The following GART variants were observed in gnomAD, a reference collection of about 807,000 sequenced individuals.
GART encodes the protein phosphoribosylglycinamide formyltransferase, phosphoribosylglycinamide synthetase, phosphoribosylaminoimidazole synthetase.
Under a neutral mutation model 107.2 loss-of-function variants are expected in GART, and 43 were observed. That is an observed-to-expected ratio of 0.40 (90% CI 0.31 to 0.52). The LOEUF (loss-of-function observed/expected upper bound fraction) is 0.52. GART is among the 20% of genes least tolerant of loss of function. The pLI is 0.52. For missense variants in GART, 1,107 were observed against 1,206.5 expected (o/e 0.92, Z 1.22); for synonymous variants, 434 against 427.0 (o/e 1.02, Z -0.20).
intron 18 of GART, among the ~76,000 whole-genome samples, chr21:33,506,792 A>C (rs1216660808): frequency 6.6e-6 from 1 of 152,182 alleles, no homozygotes; most frequent in Non-Finnish European, 1.5e-5. Flanking sequence ...AAAACACACA[A>C]ATTGCAAACA....
At chr21:33,538,709 C>T (rs1282933434) in intron 2 of GART, among the ~76,000 whole-genome samples, 1 of 152,170 alleles carries the variant, frequency 6.6e-6, no homozygotes, top group Admixed American at 6.5e-5. Flanking sequence ...AAGTTTATAA[C>T]ATATTGGCAA....
chr21:33,528,593 C>T lies in GART; in HGVS notation c.823G>A (p.Ala275Thr), dbSNP rs2085118578. 6.6e-7 allele frequency: 1 copy of T among 1,504,212 alleles called. No individual in the cohort carries two copies. The highest frequency in any genetic ancestry group is 2.2e-5 in the Admixed American group (1 of 45,506). The allele number at this position is 1,504,212 out of a possible 1,614,324, so 93.2% of individuals were successfully genotyped here. A position where few individuals can be genotyped will look rare whatever the true frequency, so the allele number is the denominator to read the frequency against. The stretch of plus-strand genomic sequence containing the variant: ...CCATTCTTGGTCAGCATTATTCCAG[C>T]ATAGAGAATACCTTCATTAAAAAAG... ...EGTPYTGILY[A>T]GIMLTKNGPK... The change falls in exon 9 of 22, where the codon GCT (alanine) becomes ACT (threonine). Residue 275 changes from alanine to threonine, a missense_variant. Ala to Thr is a moderately conservative substitution (Grantham distance 58). Transcript: ENST00000381815.
chr21:33,542,750 C>T (rs2085476710), upstream of GART: 3 of 298,454 alleles, frequency 1.0e-5, no homozygotes, highest in South Asian at 9.6e-5. Flanking sequence ...CTTAGCAAGC[C>T]TGTTAAGGCT....
At chr21:33,515,932 T>C (rs1168279543) in intron 16 of GART, among the ~76,000 whole-genome samples, 1 of 151,940 alleles carries the variant, frequency 6.6e-6, no homozygotes, top group Non-Finnish European at 1.5e-5. Context: ...TACCTGACAC[T>C]GCGGACCAGT....
At chr21:33,524,708 T>C in intron 11 of GART, 61 bp downstream of exon 11, 2 of 1,607,948 alleles carry the variant, frequency 1.2e-6, no homozygotes, top group Admixed American at 1.7e-5. Flanking sequence ...TGAAATGTTC[T>C]ACATAGCCAT....
intron 11 of GART, among the ~76,000 whole-genome samples, chr21:33,523,122 T>C (rs1291667987): frequency 6.6e-6 from 1 of 152,248 alleles, no homozygotes. Flanking sequence ...AATTTTTGAA[T>C]GACACTGCAG....
intron 16 of GART, among the ~76,000 whole-genome samples, chr21:33,515,319 A>G (rs1208555152): frequency 6.6e-6 from 1 of 152,196 alleles, no homozygotes; most frequent in East Asian, 1.9e-4. Flanking sequence ...ATAGCTGGAA[A>G]AGTTTCTCTG....
intron 4 of GART, 143 bp downstream of exon 4, chr21:33,534,436 C>G (rs1212765750): frequency 1.3e-6 from 1 of 773,130 alleles, no homozygotes; most frequent in Admixed American, 2.7e-5. Flanking sequence ...AGGCTGGTCT[C>G]TAACTCCTGA....
chr21:33,532,294 A>G, intron 5 of GART, 51 bp downstream of exon 5: 1 of 1,244,404 alleles, frequency 8.0e-7, no homozygotes, highest in Non-Finnish European at 1.2e-6. Context: ...TTAAAACGGT[A>G]TTTATTCAGT....
rs550552986 is a variant in GART at position 33,504,187 on chromosome 21, C to T, written c.2970G>A (p.Leu990=). ...CAAGCTGTACAGTTCCACTGGCCAC[C>T]AGCTGAAGGGCTGCAGGAAATATTT... ...EHKIFPAALQ[L]VASGTVQLGE... The change falls in exon 22 of 22, where the codon CTG becomes CTA. Residue 990 remains leucine (L), a synonymous_variant. Transcript: ENST00000381815. 1.2e-5 allele frequency: 19 copies of T among 1,614,164 alleles called. No homozygotes were observed. The South Asian group carries it at 2.0e-4, about 17-fold the overall frequency.
Position 33,522,239 on chromosome 21 carries a change from T to C in GART, c.1342A>G (p.Asn448Asp). 6.2e-7 allele frequency: 1 copy of C among 1,614,048 alleles called. No homozygotes were observed. ...KESGVDIAAGNMLVKKIQPLA... is the reference protein window; with the variant it reads ...KESGVDIAAGDMLVKKIQPLA... ...GGCTGAATTTTCTTGACCAGCATAT[T>C]TCCAGCTGCGATATCTACTCCAGAT... Residue 448 changes from asparagine to aspartate, a missense_variant, in exon 12 of 22, where the codon AAT becomes GAT. Physicochemically the swap from Asn to Asp is conservative, Grantham distance 23. Coordinates refer to ENST00000381815, the MANE Select transcript of GART (RefSeq NM_000819.5).
At chr21:33,535,431 T>A (rs2085286167) in intron 2 of GART, 111 bp from the exon 3 acceptor site, 2 of 598,714 alleles carry the variant, frequency 3.3e-6, no homozygotes, top group East Asian at 3.0e-5. Flanking sequence ...GTATGCTTGT[T>A]ATCTGTTGGT....
chr21:33,534,525 G>C, intron 4 of GART, 54 bp downstream of exon 4: 1 of 1,592,486 alleles, frequency 6.3e-7, no homozygotes, highest in Non-Finnish European at 8.6e-7. Context: ...ACTGACCTGT[G>C]TATTTAAATA....
chr21:33,511,555 C>T (rs2084786507), intron 16 of GART, 97 bp from the exon 17 acceptor site: 5 of 1,262,480 alleles, frequency 4.0e-6, no homozygotes, highest in Admixed American at 1.8e-5. Flanking sequence ...TATAATCAGG[C>T]TCTGCTATTT....
At chr21:33,534,122 T>C (rs78478169) in intron 4 of GART, among the ~76,000 whole-genome samples, 27,785 of 152,140 alleles carry the variant, frequency 0.18, 3,097 homozygotes, top group Non-Finnish European at 0.24. Context: ...ACATAATATT[T>C]ATTGAGAAAG....
chr21:33,525,577 T>G (rs902472266), intron 10 of GART, among the ~76,000 whole-genome samples: 1 of 151,936 alleles, frequency 6.6e-6, no homozygotes, highest in Non-Finnish European at 1.5e-5. Context: ...ACTACAGGAA[T>G]GTGCCACCAC....
At chr21:33,532,880 G>A (rs1268129053) in intron 4 of GART, among the ~76,000 whole-genome samples, 1 of 152,124 alleles carries the variant, frequency 6.6e-6, no homozygotes, top group African/African-American at 2.4e-5. Flanking sequence ...CTGGGGGTCT[G>A]GAAGGAGACT....
Position 33,535,263 on chromosome 21 carries a change from T to C in GART, c.203A>G (p.Glu68Gly). Residue 68 changes from glutamate to glycine, a missense_variant, in exon 3 of 22, where the codon GAA becomes GGA. Coordinates refer to ENST00000381815, the MANE Select transcript of GART (RefSeq NM_000819.5). The stretch of plus-strand genomic sequence containing the variant: ...TGCTTCTGGTCCAACAACTACAAAT[T>C]CAATTTTCTTCTCTTTGCAGAATTG... ...LAQFCKEKKI[E>G]FVVVGPEAPL... The C allele has an allele frequency of 1.3e-6, 2 of 1,528,606 alleles. No homozygotes were observed. The highest frequency in any genetic ancestry group is 1.8e-6 in the Non-Finnish European group (2 of 1,130,286). The allele number at this position is 1,528,606 out of a possible 1,614,324, so 94.7% of individuals were successfully genotyped here.
intron 6 of GART, 119 bp from the exon 7 acceptor site, chr21:33,531,003 T>C: frequency 1.1e-6 from 1 of 897,884 alleles, no homozygotes; most frequent in African/African-American, 1.8e-5. Context: ...TTTTTTTTTT[T>C]GCAGAGAAAT....
Sources: gnomAD v4.1 joint callset for allele counts (sites outside exome capture counted in the v4.1 genomes callset) on GRCh38, gnomAD v4.1.1 for gene constraint, MANE v1.5 for transcripts, NCBI Gene and HGNC (gene_info 2026-07-23, HGNC 2026-07-21) for gene names.